The following DUSP22 variants were observed in gnomAD, a reference collection of about 807,000 sequenced individuals.
The protein encoded by DUSP22 is dual specificity protein phosphatase 22.
DUSP22 carries 24 observed loss-of-function variants against 24.5 expected under a neutral mutation model. That is an observed-to-expected ratio of 0.98 (90% confidence interval 0.71 to 1.38). The LOEUF (loss-of-function observed/expected upper bound fraction) is 1.38, where lower values mean the gene tolerates loss of function less well. Ranked by LOEUF, DUSP22 falls within the 40% of genes most tolerant of loss-of-function variation. The pLI, the probability that DUSP22 is intolerant of heterozygous loss-of-function variation, is 0.00. For missense variants in DUSP22, 330 were observed against 269.2 expected (o/e 1.23, Z -1.58); for synonymous variants, 160 against 106.4 (o/e 1.50, Z -3.10).
intron 3 of DUSP22, among the ~76,000 whole-genome samples, chr6:324,115 C>G (rs1049101100): frequency 1.3e-5 from 2 of 152,308 alleles, no homozygotes; most frequent in Non-Finnish European, 2.9e-5. Flanking sequence ...ATGGAAACCT[C>G]TGCAGCTGCT....
chr6:331,818 G>A (rs901616689), intron 3 of DUSP22, among the ~76,000 whole-genome samples: 7 of 152,416 alleles, frequency 4.6e-5, no homozygotes, highest in South Asian at 2.1e-4. Context: ...CTTAGGTGGC[G>A]AGCAGCTGAA....
intron 3 of DUSP22, among the ~76,000 whole-genome samples, chr6:323,276 T>C (rs1264385488): frequency 6.6e-6 from 1 of 152,252 alleles, no homozygotes; most frequent in East Asian, 1.9e-4. Context: ...AGGTGGACAG[T>C]ATCAAACCCT....
chr6:337,725 C>T (rs1045845495), intron 4 of DUSP22, among the ~76,000 whole-genome samples: 3 of 152,416 alleles, frequency 2.0e-5, no homozygotes, highest in Middle Eastern at 3.4e-3. Context: ...ATCCGTCACC[C>T]GAATAGTGAA....
At chr6:330,377 G>A (rs1480718524) in intron 3 of DUSP22, among the ~76,000 whole-genome samples, 2 of 152,306 alleles carry the variant, frequency 1.3e-5, no homozygotes, top group Admixed American at 6.5e-5. Flanking sequence ...CTTCTGAAGG[G>A]TTTATCTTCC....
intron 2 of DUSP22, among the ~76,000 whole-genome samples, chr6:307,626 TG>T (rs1429204414): frequency 6.6e-6 from 1 of 152,296 alleles, no homozygotes; most frequent in Non-Finnish European, 1.5e-5. Flanking sequence ...AGCCCCTCCC[TG>T]GGCCGGAGGG....
chr6:330,986 C>T (rs1461313288), intron 3 of DUSP22, among the ~76,000 whole-genome samples: 2 of 152,302 alleles, frequency 1.3e-5, no homozygotes, highest in African/African-American at 2.4e-5. Context: ...TTACTTCTTC[C>T]CCCTTTTCCT....
intron 4 of DUSP22, among the ~76,000 whole-genome samples, chr6:341,054 G>A (rs1343932103): frequency 6.6e-6 from 1 of 152,308 alleles, no homozygotes; most frequent in African/African-American, 2.4e-5. Flanking sequence ...ACGAGGGAGG[G>A]AGACAGCTGC....
At chr6:314,182 G>C (rs768685408) in intron 3 of DUSP22, among the ~76,000 whole-genome samples, 1 of 152,290 alleles carries the variant, frequency 6.6e-6, no homozygotes, top group Non-Finnish European at 1.5e-5. Context: ...GCTGACCCCT[G>C]GCTGGTGAGA....
At chr6:312,010 G>A (rs374968258) in intron 3 of DUSP22, 48 bp downstream of exon 3, 21 of 1,579,020 alleles carry the variant, frequency 1.3e-5, no homozygotes, top group Admixed American at 3.6e-5. Flanking sequence ...TTTGTATTCC[G>A]TGGGAGTACC....
chr6:346,262 A>C (rs987979875), intron 5 of DUSP22, among the ~76,000 whole-genome samples: 2 of 152,300 alleles, frequency 1.3e-5, no homozygotes, highest in Non-Finnish European at 2.9e-5. Context: ...GATGACCCAG[A>C]TTCTGTAGGC....
At chr6:304,213 C>T (rs980402756) in intron 1 of DUSP22, among the ~76,000 whole-genome samples, 1 of 152,310 alleles carries the variant, frequency 6.6e-6, no homozygotes, top group South Asian at 2.1e-4. Flanking sequence ...ACTTGGGGCT[C>T]AGGACTGGCC....
intron 2 of DUSP22, 149 bp from the exon 3 acceptor site, chr6:311,731 C>T (rs1758108854): frequency 1.2e-6 from 1 of 805,674 alleles, no homozygotes; most frequent in Admixed American, 3.3e-5. Flanking sequence ...AGCAGTAGCC[C>T]TAAGTTTCCT....
chr6:324,308 G>A (rs532745163), intron 3 of DUSP22, among the ~76,000 whole-genome samples: 93 of 152,378 alleles, frequency 6.1e-4, no homozygotes, highest in Middle Eastern at 3.4e-3. Context: ...GGGCTTGGAG[G>A]AGTGCCGCCC....
At chr6:301,427 G>A (rs1757575566) in intron 1 of DUSP22, among the ~76,000 whole-genome samples, 1 of 152,308 alleles carries the variant, frequency 6.6e-6, no homozygotes, top group Non-Finnish European at 1.5e-5. Context: ...GAGATCGGTT[G>A]GAGCCAACCT....
rs1433855798 is a variant in DUSP22 at position 349,892 on chromosome 6, C to T, written c.*941C>T. 2.0e-6 allele frequency: 2 copies of T among 985,884 alleles called. No homozygotes were observed. Among genetic ancestry groups the T allele is most frequent in the Non-Finnish European group, 1.2e-6 (1 of 830,332 alleles). The allele number at this position is 985,884 out of a possible 1,614,324, so 61.1% of individuals were successfully genotyped here. A position where few individuals can be genotyped will look rare whatever the true frequency, so the allele number is the denominator to read the frequency against. On this transcript the variant is annotated 3_prime_UTR_variant, in exon 7 of 7. Transcript: ENST00000419235. ...GGTGCCCCAGGGCACCCCCTCCTCT[C>T]TGCTCCTTGCCAGCTTCATTCACTC...
intron 3 of DUSP22, among the ~76,000 whole-genome samples, chr6:324,877 A>C (rs1758781685): frequency 6.6e-6 from 1 of 152,308 alleles, no homozygotes; most frequent in Non-Finnish European, 1.5e-5. Flanking sequence ...AGGGGCTCCG[A>C]GAGCTCACTG....
intron 1 of DUSP22, 91 bp from the exon 2 acceptor site, chr6:304,537 G>T (rs1757734416): frequency 6.3e-7 from 1 of 1,587,810 alleles, no homozygotes; most frequent in South Asian, 1.1e-5. Context: ...CCTGGCCTTT[G>T]CAGGGATCCT....
intron 5 of DUSP22, among the ~76,000 whole-genome samples, chr6:346,236 A>C (rs1190111906): frequency 4.6e-5 from 7 of 152,294 alleles, no homozygotes; most frequent in Admixed American, 4.6e-4. Context: ...GCATTTCATC[A>C]GAACAGCCTC....
intron 3 of DUSP22, among the ~76,000 whole-genome samples, chr6:314,729 C>CT (rs1158099200): frequency 1.3e-5 from 2 of 152,310 alleles, no homozygotes; most frequent in Non-Finnish European, 2.9e-5. Context: ...ATTGTATGTG[C>CT]TTGCTTATGT....
Sources: gnomAD v4.1 joint callset for allele counts (sites outside exome capture counted in the v4.1 genomes callset) on GRCh38, gnomAD v4.1.1 for gene constraint, MANE v1.5 for transcripts, NCBI Gene and HGNC (gene_info 2026-07-23, HGNC 2026-07-21) for gene names.